SOX5: variants seen among roughly 807,000 people sequenced by gnomAD.
SOX5 encodes the protein SRY-box transcription factor 5, also known as transcription factor SOX-5.
SOX5 carries 9 observed loss-of-function variants against 92.0 expected under a neutral mutation model. That is an observed-to-expected ratio of 0.10 (90% CI 0.06 to 0.17). SOX5 has a LOEUF of 0.17. Ranked by LOEUF, SOX5 falls within the 10% of genes least tolerant of loss-of-function variation. SOX5 has a pLI of 1.00. For missense variants in SOX5, 642 were observed against 944.5 expected (o/e 0.68, Z 4.20); for synonymous variants, 344 against 336.3 (o/e 1.02, Z -0.25).
chr12:24,516,573 CCT>C (rs1295718307), intron 1 of SOX5, among the ~76,000 whole-genome samples: 4 of 152,176 alleles, frequency 2.6e-5, no homozygotes, highest in African/African-American at 7.2e-5. Context: ...TGTACTCCTT[CCT>C]CTGTCTTTGA....
chr12:24,047,079 A>G (rs1401362610), intron 4 of SOX5, among the ~76,000 whole-genome samples: 2 of 152,114 alleles, frequency 1.3e-5, no homozygotes, highest in Non-Finnish European at 2.9e-5. Context: ...GGAGGTACGA[A>G]TAACACTTTC....
intron 7 of SOX5, among the ~76,000 whole-genome samples, chr12:23,656,029 T>A (rs2082264260): frequency 6.6e-6 from 1 of 152,144 alleles, no homozygotes; most frequent in South Asian, 2.1e-4. Context: ...ATCCACATTT[T>A]ACAATCTCCT....
chr12:24,068,749 C>A (rs55638178), intron 4 of SOX5, among the ~76,000 whole-genome samples: 1 of 72,542 alleles, frequency 1.4e-5, no homozygotes, highest in South Asian at 4.5e-4. Context: ...TATATATATA[C>A]ACACACACAC....
At chr12:23,647,157 G>A (rs535664018) in intron 7 of SOX5, among the ~76,000 whole-genome samples, 3 of 152,318 alleles carry the variant, frequency 2.0e-5, no homozygotes, top group African/African-American at 7.2e-5. Context: ...TGTGTTAGCA[G>A]GCATGAAAAC....
chr12:24,466,262 A>G (rs1944226078), intron 1 of SOX5, among the ~76,000 whole-genome samples: 1 of 150,036 alleles, frequency 6.7e-6, no homozygotes, highest in South Asian at 2.1e-4. Flanking sequence ...TTTTTTTAAG[A>G]GACAGAATCT....
rs575743603 is a variant in SOX5 at position 23,770,902 on chromosome 12, TTTTATAAAGCTAAATACATAACAGG to T, written c.482-15203_482-15179del. 9.6e-3 allele frequency among the ~76,000 whole-genome samples: 1,462 copies of T among 152,266 alleles called. 9 individuals are homozygous for T. Among genetic ancestry groups the T allele is most frequent in the Middle Eastern group, 0.034 (10 of 294 alleles). On this transcript the variant is annotated intron_variant, in intron 3 of 14. Transcript: ENST00000451604. ...TTGGGCAGAGAAGGTGGGGTGCTTG[TTTTATAAAGCTAAATACATAACAGG>T]TTTATAAACATGCTATATCTTTCTG...
intron 4 of SOX5, among the ~76,000 whole-genome samples, chr12:23,967,503 T>C (rs907104587): frequency 3.9e-5 from 6 of 152,064 alleles, no homozygotes; most frequent in Admixed American, 3.9e-4. Flanking sequence ...AAGATAGATA[T>C]AAAATCTATA....
rs746736346 is a variant in SOX5 at position 23,604,368 on chromosome 12, G to A, written c.1164+19C>T. On this transcript the variant is annotated intron_variant, in intron 9 of 14. Transcript: ENST00000451604. Reference sequence around the variant, plus strand: ...AAATAAAGCTAAGTGGCAAGACAGTGGCTTCTTCAAAAGGGTACCTTGCTT... The same window carrying A: ...AAATAAAGCTAAGTGGCAAGACAGTAGCTTCTTCAAAAGGGTACCTTGCTT... The A allele has an allele frequency of 8.1e-6, 13 of 1,612,776 alleles. No homozygotes were observed. The East Asian group carries it at 2.7e-4, about 33-fold the overall frequency.
chr12:23,999,209 A>T (rs1383412172), intron 4 of SOX5, among the ~76,000 whole-genome samples: 1 of 149,822 alleles, frequency 6.7e-6, no homozygotes, highest in African/African-American at 2.4e-5. Flanking sequence ...TTTAAAAGAC[A>T]ACTGCCTGCT....
At chr12:23,842,270 T>C (rs2096527810) in intron 3 of SOX5, among the ~76,000 whole-genome samples, 1 of 152,102 alleles carries the variant, frequency 6.6e-6, no homozygotes, top group African/African-American at 2.4e-5. Context: ...TGGTGGTTAG[T>C]AGGAGCCATA....
intron 8 of SOX5, among the ~76,000 whole-genome samples, chr12:23,616,584 A>G (rs1346521816): frequency 2.0e-5 from 3 of 152,232 alleles, no homozygotes; most frequent in Non-Finnish European, 2.9e-5. Flanking sequence ...GTATTTGTAC[A>G]CAAATTCTAA....
intron 6 of SOX5, among the ~76,000 whole-genome samples, chr12:23,726,125 GAGAGAGAGAGAGA>G (rs1593715163): frequency 7.4e-3 from 74 of 10,066 alleles, no homozygotes; most frequent in African/African-American, 0.036. Context: ...CCCCGAGAGA[GAGAGAGAGAGAGA>G]GAGAGAGAGA....
intron 9 of SOX5, among the ~76,000 whole-genome samples, chr12:23,603,141 A>G (rs1227273273): frequency 6.6e-6 from 1 of 151,964 alleles, no homozygotes; most frequent in Non-Finnish European, 1.5e-5. Flanking sequence ...GAATTCTAGG[A>G]AGATGGAGGT....
intron 2 of SOX5, among the ~76,000 whole-genome samples, chr12:23,858,440 A>C: frequency 6.6e-6 from 1 of 152,202 alleles, no homozygotes; most frequent in East Asian, 1.9e-4. Flanking sequence ...CATATGAAAA[A>C]AAGCTCAATA....
At chr12:24,346,358 A>G (rs1043656131) in intron 2 of SOX5, among the ~76,000 whole-genome samples, 10 of 152,236 alleles carry the variant, frequency 6.6e-5, no homozygotes, top group African/African-American at 2.2e-4. Flanking sequence ...ATGAAATAGA[A>G]AAATGTACTA....
chr12:23,750,506 T>G (rs2094148256), intron 4 of SOX5, among the ~76,000 whole-genome samples: 1 of 151,900 alleles, frequency 6.6e-6, no homozygotes, highest in South Asian at 2.1e-4. Flanking sequence ...GGAAAAGGTT[T>G]TAGGTTAATT....
Position 23,550,019 on chromosome 12 carries a change from G to C in SOX5, c.1489-3595C>G, listed in dbSNP as rs149936421. Among the ~76,000 whole-genome samples, 1,386 of 152,092 alleles carry C rather than the reference G, an allele frequency of 9.1e-3. 22 individuals carry two copies. Among genetic ancestry groups the C allele is most frequent in the African/African-American group, 0.031 (1,293 of 41,526 alleles). ...GTATTAGTATTCACTTGGGGAACTT[G>C]GTAGCTGGTCTTGTGCTCTGTGACT... On this transcript the variant is annotated intron_variant, in intron 11 of 14. Coordinates refer to ENST00000451604, the MANE Select transcript of SOX5 (RefSeq NM_006940.6).
intron 4 of SOX5, among the ~76,000 whole-genome samples, chr12:24,112,059 C>T (rs1237500961): frequency 6.6e-6 from 1 of 152,144 alleles, no homozygotes; most frequent in African/African-American, 2.4e-5. Context: ...AACAAGGAAC[C>T]ATTAGCAAAA....
intron 2 of SOX5, among the ~76,000 whole-genome samples, chr12:24,326,162 A>T (rs183300660): frequency 6.6e-6 from 1 of 152,298 alleles, no homozygotes; most frequent in East Asian, 1.9e-4. Flanking sequence ...TACCTAGTAA[A>T]ACATTTGCTT....
Sources: allele counts gnomAD v4.1 joint callset (sites outside exome capture counted in the v4.1 genomes callset), GRCh38; gene constraint gnomAD v4.1.1; transcripts MANE v1.5; gene names NCBI Gene and HGNC (gene_info 2026-07-23, HGNC 2026-07-21).